UACA: variants seen among roughly 807,000 people sequenced by gnomAD.
The protein encoded by UACA is nuclear membrane binding protein.
A neutral mutation model predicts 160.5 loss-of-function variants in UACA; 112 were observed. That is an observed-to-expected ratio of 0.70 (90% CI 0.60 to 0.82). UACA has a LOEUF of 0.82. Among genes scored for constraint, UACA ranks in the 40% least tolerant of loss-of-function variants. The pLI is 0.00. For missense variants in UACA, 1,574 were observed against 1,614.6 expected (o/e 0.97, Z 0.43); for synonymous variants, 557 against 568.4 (o/e 0.98, Z 0.29).
rs374737775 is a variant in UACA, at chr15:70,679,139, AC to A, written c.891+468del. The stretch of plus-strand genomic sequence containing the variant: ...ATTAGGCAGCCGGGTGTGGTGGCTC[AC>A]GCTTGTAATCCCAACACTTTGGGAG... On this transcript the variant is annotated intron_variant, in intron 10 of 18. Coordinates refer to ENST00000322954, the MANE Select transcript of UACA (RefSeq NM_018003.4). Among the ~76,000 whole-genome samples, 106 of 152,278 alleles carry A rather than the reference AC, an allele frequency of 7.0e-4. No individual in the cohort carries two copies. In the East Asian group the frequency reaches 0.016, roughly 23 times the overall value.
the UACA span, among the ~76,000 whole-genome samples, chr15:70,776,426 T>C: frequency 6.5e-5 from 6 of 92,050 alleles, no homozygotes; most frequent in East Asian, 1.3e-3. Context: ...CTCAAATGTC[T>C]TTTTTTTTTT....
rs536820511 is a variant in UACA, at chr15:70,662,143, G to A, written c.4114-1927C>T. On this transcript the variant is annotated intron_variant, in intron 17 of 18. Transcript: ENST00000322954. Reference sequence around the variant, plus strand: ...TCTCAGCCCAAAATCTTCTTAAGCTGATAAGCAACTTGAGCAAAGTCTCAG... The same window carrying A: ...TCTCAGCCCAAAATCTTCTTAAGCTAATAAGCAACTTGAGCAAAGTCTCAG... Among the ~76,000 whole-genome samples, 4 of 152,284 alleles carry A rather than the reference G, an allele frequency of 2.6e-5. No individual in the cohort carries two copies. The East Asian group carries it at 7.7e-4, about 29-fold the overall frequency.
chr15:70,671,310 T>C (rs995708151), intron 14 of UACA: 1 of 326,660 alleles, frequency 3.1e-6, no homozygotes, highest in South Asian at 1.0e-4. Context: ...TTGGTTTTTT[T>C]TTTTCTTATT....
At chr15:70,758,334 A>T (rs556847679) in intron 1 of UACA, 1 of 152,354 alleles carries the variant, frequency 6.6e-6, no homozygotes, top group South Asian at 2.1e-4. Flanking sequence ...ACGCAGGGAT[A>T]ACCATAGGAA....
At chr15:70,714,374 C>T (rs1364326830) in intron 1 of UACA, among the ~76,000 whole-genome samples, 1 of 152,172 alleles carries the variant, frequency 6.6e-6, no homozygotes, top group African/African-American at 2.4e-5. Flanking sequence ...TTCTTTCTCC[C>T]TGACCCCTGA....
intron 1 of UACA, among the ~76,000 whole-genome samples, chr15:70,760,409 A>G (rs545425738): frequency 1.1e-3 from 170 of 152,342 alleles, no homozygotes; most frequent in African/African-American, 4.0e-3. Context: ...GTCTTAAGAC[A>G]AACAGCCAAT....
intron 7 of UACA, among the ~76,000 whole-genome samples, chr15:70,686,131 C>CT (rs748667477): frequency 0.012 from 1,605 of 139,162 alleles, 25 homozygotes; most frequent in African/African-American, 0.033. Context: ...TTAATCACAT[C>CT]TTTTTTTTTT....
At chr15:70,674,296 G>A (rs1897236023) in intron 13 of UACA, among the ~76,000 whole-genome samples, 1 of 152,102 alleles carries the variant, frequency 6.6e-6, no homozygotes, top group African/African-American at 2.4e-5. Flanking sequence ...TAGTGACTGA[G>A]GAAAATGTCC....
At chr15:70,716,167 G>C (rs894239887) in intron 1 of UACA, among the ~76,000 whole-genome samples, 1 of 152,196 alleles carries the variant, frequency 6.6e-6, no homozygotes, top group Non-Finnish European at 1.5e-5. Context: ...AGGAGATCCT[G>C]CTGCTTCTGC....
At position 70,759,080 on chromosome 15, in the gene UACA, G is replaced by A. The variant is rs927263556; in HGVS notation, c.78+4250C>T. ...TGTGGAGATAGGATTTCACCACGTT[G>A]CCCAGGCGGGTCTCGAACTCCTGGG... On this transcript the variant is annotated intron_variant, in intron 1 of 18. Coordinates refer to ENST00000322954, the MANE Select transcript of UACA (RefSeq NM_018003.4). Among the ~76,000 whole-genome samples, 5 of 152,220 alleles carry A rather than the reference G, an allele frequency of 3.3e-5. 1 individual carries two copies. The South Asian group carries it at 8.3e-4, about 25-fold the overall frequency.
chr15:70,722,531 TG>T (rs1268714444), intron 1 of UACA, among the ~76,000 whole-genome samples: 1 of 152,204 alleles, frequency 6.6e-6, no homozygotes, highest in East Asian at 1.9e-4. Context: ...TGGCCCAGAC[TG>T]GTCCTGAACT....
intron 11 of UACA, among the ~76,000 whole-genome samples, chr15:70,677,730 A>G (rs545531338): frequency 6.6e-6 from 1 of 152,232 alleles, no homozygotes; most frequent in African/African-American, 2.4e-5. Flanking sequence ...TTTTTATACA[A>G]CAAGGAATAT....
At chr15:70,772,174 G>A in the UACA span, among the ~76,000 whole-genome samples, 7 of 152,284 alleles carry the variant, frequency 4.6e-5, no homozygotes, top group South Asian at 1.2e-3. Context: ...GATGCAGGGA[G>A]TAAGACATTA....
intron 1 of UACA, among the ~76,000 whole-genome samples, chr15:70,707,913 A>C (rs1386781219): frequency 6.6e-6 from 1 of 152,184 alleles, no homozygotes; most frequent in East Asian, 1.9e-4. Flanking sequence ...CAGCCATCCT[A>C]CTTCTGGGTA....
intron 1 of UACA, among the ~76,000 whole-genome samples, chr15:70,707,890 C>T (rs1853073888): frequency 6.6e-6 from 1 of 152,160 alleles, no homozygotes; most frequent in African/African-American, 2.4e-5. Context: ...ATAAATAGAA[C>T]TACCATATGA....
At chr15:70,717,090 G>A (rs934435134) in intron 1 of UACA, among the ~76,000 whole-genome samples, 5 of 152,058 alleles carry the variant, frequency 3.3e-5, no homozygotes, top group African/African-American at 7.2e-5. Flanking sequence ...ATGTGGTGGC[G>A]CATGCCTGTA....
intron 1 of UACA, among the ~76,000 whole-genome samples, chr15:70,717,521 AT>A (rs1314441597): frequency 6.6e-6 from 1 of 152,212 alleles, no homozygotes; most frequent in East Asian, 1.9e-4. Context: ...CTAAAGCTTT[AT>A]TTATAAAAAT....
chr15:70,759,765 AGT>A (rs201139427), intron 1 of UACA, among the ~76,000 whole-genome samples: 1,596 of 152,374 alleles, frequency 0.01, 26 homozygotes, highest in African/African-American at 0.037. Context: ...CCACAAATGT[AGT>A]TTATCCAGAA....
intron 1 of UACA, among the ~76,000 whole-genome samples, chr15:70,759,553 G>A (rs558257006): frequency 6.6e-6 from 1 of 152,356 alleles, no homozygotes; most frequent in East Asian, 1.9e-4. Flanking sequence ...TACTTGGGAG[G>A]CTGAGGCAGG....
Sources: gnomAD v4.1 joint callset for allele counts (sites outside exome capture counted in the v4.1 genomes callset) on GRCh38, gnomAD v4.1.1 for gene constraint, MANE v1.5 for transcripts, NCBI Gene and HGNC (gene_info 2026-07-23, HGNC 2026-07-21) for gene names.